Variants in MYO7A observed in about 807,000 individuals in gnomAD.
MYO7A encodes the protein unconventional myosin-VIIa.
Under a neutral mutation model 263.8 loss-of-function variants are expected in MYO7A, and 210 were observed. The ratio of observed to expected loss-of-function variants is 0.80; its 90% CI spans 0.71 to 0.89. The LOEUF (loss-of-function observed/expected upper bound fraction) is 0.89. Ranked by LOEUF, MYO7A falls within the 40% of genes least tolerant of loss-of-function variation. The pLI is 0.00. For synonymous variants in MYO7A, 1,239 were observed against 1,197.3 expected (o/e 1.03, Z -0.72); for missense variants, 2,820 against 2,968.3 (o/e 0.95, Z 1.16).
rs781893704 is a variant in MYO7A, at chr11:77,156,737, C to T, written c.548C>T (p.Ser183Leu). 4.3e-5 allele frequency: 70 copies of T among 1,613,844 alleles called. No homozygotes were observed. The Admixed American group carries it at 1.0e-3, about 24-fold the overall frequency. ...CTGGCAGCCATCAGTGGGCAGCACT[C>T]GTGGATTGAGCAGCAGGTCTTGGAG... is the stretch of plus-strand genomic sequence containing the variant. ...QFLAAISGQH[S>L]WIEQQVLEAT... Residue 183 changes from serine to leucine, a missense_variant, in exon 6 of 49, where the codon TCG becomes TTG. Coordinates refer to ENST00000409709, the MANE Select transcript of MYO7A (RefSeq NM_000260.4).
intron 27 of MYO7A, chr11:77,185,085 A>G (rs1289020109): frequency 1.3e-5 from 5 of 386,934 alleles, no homozygotes; most frequent in African/African-American, 8.3e-5. Context: ...AAAAATGTAG[A>G]CATCTTGATT....
Position 77,181,456 on chromosome 11 carries a change from A to T in MYO7A, c.2771A>T (p.Glu924Val). 3 of 1,610,102 alleles carry T rather than the reference A, an allele frequency of 1.9e-6. No homozygotes were observed. The highest frequency in any genetic ancestry group is 2.5e-6 in the Non-Finnish European group (3 of 1,178,676). ...AAGGAGGCCGCTCGGCGGAAGAAGG[A>T]GCTCCTGGAGCAGATGGAAAGGGCC... ...KEKEAARRKK[E>V]LLEQMERARH... is the part of the protein sequence containing the mutation. The change falls in exon 23 of 49, where the codon GAG becomes GTG. Residue 924 changes from glutamate to valine, a missense_variant. Glu to Val is a moderately radical substitution (Grantham distance 121, BLOSUM62 -2). Transcript: ENST00000409709.
Position 77,136,336 on chromosome 11 carries a change from C to T in MYO7A, c.18+5684C>T, listed in dbSNP as rs572797255. On this transcript the variant is annotated intron_variant, in intron 2 of 48. Transcript: ENST00000409709. The stretch of plus-strand genomic sequence containing the variant: ...CTTTCAAGAGTCTCTGTCTTTGCCA[C>T]TTGTGGAGAAGAGGCCTATTCCTCC... Among the ~76,000 whole-genome samples the T allele has an allele frequency of 2.0e-5, 3 of 152,320 alleles. No individual in the cohort carries two copies. The South Asian group carries it at 6.2e-4, about 32-fold the overall frequency.
chr11:77,194,068 G>T (rs1482449329), intron 31 of MYO7A: 2 of 620,562 alleles, frequency 3.2e-6, no homozygotes, highest in Non-Finnish European at 6.0e-6. Flanking sequence ...GGGCTGGCTT[G>T]TTTCTTTGCA....
At chr11:77,177,832 A>G (rs1591362385) in intron 19 of MYO7A, among the ~76,000 whole-genome samples, 189 bp downstream of exon 19, 1 of 152,178 alleles carries the variant, frequency 6.6e-6, no homozygotes, top group East Asian at 1.9e-4. Context: ...CATGATTTAC[A>G]TGGACCCATT....
At chr11:77,163,444 A>G (rs150647056) in intron 14 of MYO7A, among the ~76,000 whole-genome samples, 1 of 152,346 alleles carries the variant, frequency 6.6e-6, no homozygotes, top group Non-Finnish European at 1.5e-5. Context: ...ATACACCTAG[A>G]TGGTCCAGCC....
intron 1 of MYO7A, among the ~76,000 whole-genome samples, chr11:77,130,334 C>T (rs574270075): frequency 1.3e-5 from 2 of 152,332 alleles, no homozygotes; most frequent in Admixed American, 1.3e-4. Flanking sequence ...TTGCTACTTT[C>T]TAGGAGCCCT....
Position 77,181,664 on chromosome 11 carries a change from T to C in MYO7A, c.2904+75T>C, listed in dbSNP as rs975403024. 1.9e-5 allele frequency: 28 copies of C among 1,446,348 alleles called. 1 individual carries two copies. The highest frequency in any genetic ancestry group is 2.6e-5 in the Non-Finnish European group (28 of 1,059,808). 89.6% of individuals were successfully genotyped at this position (1,446,348 alleles called of 1,614,324 possible). A position where few individuals can be genotyped will look rare whatever the true frequency, so the allele number is the denominator to read the frequency against. ...TTGATCCTCCCTCCTTCTGTGCCCT[T>C]GGCCTTAAAGCCCACCCAGTCCCTC... is the stretch of plus-strand genomic sequence containing the variant. On this transcript the variant is annotated intron_variant, in intron 23 of 48. Transcript: ENST00000409709.
At chr11:77,139,176 C>G (rs183360766) in intron 2 of MYO7A, among the ~76,000 whole-genome samples, 10 of 152,310 alleles carry the variant, frequency 6.6e-5, no homozygotes, top group African/African-American at 1.9e-4. Flanking sequence ...AGTGCCTCAC[C>G]CAGAGAGACA....
chr11:77,171,880 G>C (rs1475059371), intron 15 of MYO7A, among the ~76,000 whole-genome samples: 1 of 152,198 alleles, frequency 6.6e-6, no homozygotes, highest in African/African-American at 2.4e-5. Flanking sequence ...TATTCTCAGA[G>C]GGGACCCCAG....
At chr11:77,129,971 G>A (rs1304897941) in intron 1 of MYO7A, among the ~76,000 whole-genome samples, 4 of 152,076 alleles carry the variant, frequency 2.6e-5, no homozygotes, top group Admixed American at 6.5e-5. Context: ...AGCGGGGCGG[G>A]CCCGGGCCCG....
Position 77,190,729 on chromosome 11 carries a change from C to A in MYO7A, c.3783C>A (p.Pro1261=). ...ATKSKKPIML[P]VTFMDGTTKT... ...AGTCCAAGAAGCCAATCATGTTGCC[C>A]GTGACATTCATGGATGGGACCACCA... Residue 1261 remains proline, a synonymous_variant, in exon 30 of 49, where the codon CCC becomes CCA. Coordinates refer to ENST00000409709, the MANE Select transcript of MYO7A (RefSeq NM_000260.4). The A allele has an allele frequency of 1.9e-6, 3 of 1,598,780 alleles. No individual in the cohort carries two copies. Among genetic ancestry groups the A allele is most frequent in the East Asian group, 4.5e-5 (2 of 44,184 alleles).
Position 77,174,926 on chromosome 11 carries a change from A to T in MYO7A, c.2094+12A>T. 6.2e-7 allele frequency: 1 copy of T among 1,610,558 alleles called. No individual in the cohort carries two copies. Among genetic ancestry groups the T allele is most frequent in the Admixed American group, 1.7e-5 (1 of 59,968 alleles). On this transcript the variant is annotated intron_variant, in intron 17 of 48. Transcript: ENST00000409709. ...CGGCCTACAAGCAGGTACAGGGCTG[A>T]GTGCACAGAGGGCAGGAGGGGAGGG...
chr11:77,204,044 T>C, intron 38 of MYO7A, 32 bp from the exon 39 acceptor site: 1 of 1,572,140 alleles, frequency 6.4e-7, no homozygotes, highest in Non-Finnish European at 8.7e-7. Context: ...GCTCCCTCTA[T>C]TCGGCACAAG....
intron 4 of MYO7A, among the ~76,000 whole-genome samples, chr11:77,155,693 A>G (rs1179790288): frequency 6.6e-6 from 1 of 152,182 alleles, no homozygotes; most frequent in Non-Finnish European, 1.5e-5. Context: ...ATCAAATGTC[A>G]CTGAGCACTA....
At chr11:77,204,981 G>A (rs1957344248) in intron 39 of MYO7A, among the ~76,000 whole-genome samples, 1 of 152,178 alleles carries the variant, frequency 6.6e-6, no homozygotes, top group Non-Finnish European at 1.5e-5. Flanking sequence ...ACTTCCCACT[G>A]TCAGGCCCAA....
chr11:77,213,132 C>T (rs139540168), intron 47 of MYO7A, 97 bp downstream of exon 47: 22 of 953,894 alleles, frequency 2.3e-5, no homozygotes, highest in Admixed American at 8.7e-5. Flanking sequence ...TAGCCACCAT[C>T]TATCTCTAGA....
Position 77,204,153 on chromosome 11 carries a change from G to C in MYO7A, c.5404G>C (p.Gly1802Arg). 2 of 1,596,222 alleles carry C rather than the reference G, an allele frequency of 1.3e-6. No homozygotes were observed. The highest frequency in any genetic ancestry group is 1.1e-5 in the South Asian group (1 of 87,424). Residue 1802 changes from glycine to arginine, a missense_variant, in exon 39 of 49, where the codon GGT becomes CGT. Transcript: ENST00000409709. ...VNELTDQIFE[G>R]PLKAEPLKDE... Reference sequence around the variant, plus strand: ...CGAGCTCACCGACCAGATCTTTGAGGGTCCCCTGAAAGCCGAGCCCCTGAA... The same window carrying C: ...CGAGCTCACCGACCAGATCTTTGAGCGTCCCCTGAAAGCCGAGCCCCTGAA...
intron 2 of MYO7A, among the ~76,000 whole-genome samples, chr11:77,142,120 C>T (rs1199053587): frequency 3.3e-5 from 5 of 152,182 alleles, no homozygotes; most frequent in Non-Finnish European, 1.5e-5. Flanking sequence ...CGAGTCAGGC[C>T]CTGGGCCAGA....
Sources: gnomAD v4.1 joint callset for allele counts (sites outside exome capture counted in the v4.1 genomes callset) on GRCh38, gnomAD v4.1.1 for gene constraint, MANE v1.5 for transcripts, NCBI Gene and HGNC (gene_info 2026-07-23, HGNC 2026-07-21) for gene names.